The following HERC1 variants were observed in gnomAD, a reference collection of about 807,000 sequenced individuals.
The protein encoded by HERC1 is HECT and RLD domain containing E3 ubiquitin protein ligase family member 1.
Under a neutral mutation model 554.3 loss-of-function variants are expected in HERC1, and 160 were observed. That is an observed-to-expected ratio of 0.29 (90% CI 0.25 to 0.33). The LOEUF (loss-of-function observed/expected upper bound fraction) is 0.33. Among genes scored for constraint, HERC1 ranks in the 10% least tolerant of loss-of-function variants. The pLI, the probability that HERC1 is intolerant of heterozygous loss-of-function variation, is 1.00. For synonymous variants in HERC1, 2,175 were observed against 2,131.7 expected (o/e 1.02, Z -0.56); for missense variants, 4,919 against 5,918.5 (o/e 0.83, Z 5.54).
At chr15:63,667,589 A>G (rs2070707489) in intron 40 of HERC1, among the ~76,000 whole-genome samples, 1 of 152,258 alleles carries the variant, frequency 6.6e-6, no homozygotes, top group Non-Finnish European at 1.5e-5. Context: ...GCTTATGTGT[A>G]AAAGTGAAAT....
chr15:63,762,058 A>T (rs904946200), intron 3 of HERC1, among the ~76,000 whole-genome samples: 1 of 152,234 alleles, frequency 6.6e-6, no homozygotes, highest in Non-Finnish European at 1.5e-5. Flanking sequence ...ATCATTTTCC[A>T]ATAAAAGAAA....
chr15:63,812,069 C>T (rs2099922), intron 1 of HERC1, among the ~76,000 whole-genome samples: 67,764 of 152,006 alleles, frequency 0.45, 16,428 homozygotes, highest in Non-Finnish European at 0.55. Flanking sequence ...TTGTAACTCT[C>T]GCTCAAAAAT....
At chr15:63,802,289 CT>C (rs1567142427) in intron 1 of HERC1, among the ~76,000 whole-genome samples, 2 of 152,160 alleles carry the variant, frequency 1.3e-5, no homozygotes, top group South Asian at 2.1e-4. Context: ...AAAGAAAAAA[CT>C]TTTTCGTTGT....
rs1279114441 is a variant in HERC1 at position 63,636,125 on chromosome 15, G to T, written c.12250C>A (p.Leu4084Met). The T allele has an allele frequency of 5.0e-6, 8 of 1,613,742 alleles. No homozygotes were observed. The highest frequency in any genetic ancestry group is 2.2e-5 in the East Asian group (1 of 44,896). ...CCATCAGAACCACAGGAAGTCACCA[G>T]CTGGGTCACCACAAAGCCTGGAACA... ...SALQGFVVTQ[L>M]VTSCGSDGHS... Residue 4084 changes from leucine to methionine, a missense_variant, in exon 65 of 78, where the codon CTG (leucine) becomes ATG (methionine). Leu to Met is a conservative substitution (Grantham distance 15, BLOSUM62 2). This residue lies in a region of HERC1 where 122 missense variants were observed against 195.2 expected (regional missense o/e 0.63). Transcript: ENST00000443617.
chr15:63,630,484 C>A lies in HERC1; in HGVS notation c.12948G>T (p.Gly4316=). The change falls in exon 69 of 78, where the codon GGG becomes GGT. Residue 4316 remains glycine, a synonymous_variant. Coordinates refer to ENST00000443617, the MANE Select transcript of HERC1 (RefSeq NM_003922.4). The part of the protein sequence containing the change: ...LASNGDVYAW[G]SNSEGQLGLG... ...TATTTACCTGCCCTTCTGAATTGCT[C>A]CCCCAGGCATACACATCTCCATTTG... The A allele has an allele frequency of 5.6e-6, 9 of 1,612,802 alleles. No homozygotes were observed. The highest frequency in any genetic ancestry group is 7.6e-6 in the Non-Finnish European group (9 of 1,179,446).
At chr15:63,744,152 GTGTGTGTGTGTGTCTCTCTCTCTC>G (rs1457916086) in intron 12 of HERC1, among the ~76,000 whole-genome samples, 6 of 41,604 alleles carry the variant, frequency 1.4e-4, no homozygotes, top group Admixed American at 7.6e-4. Context: ...GTGTGTGTGT[GTGTGTGTGTGTGTCTCTCTCTCTC>G]TCTCTCTCTC....
At chr15:63,790,513 G>T in intron 1 of HERC1, among the ~76,000 whole-genome samples, 1 of 152,010 alleles carries the variant, frequency 6.6e-6, no homozygotes, top group East Asian at 1.9e-4. Flanking sequence ...GGGAGGCGGA[G>T]CTTGCAGTGA....
rs2070008285 is a variant in HERC1, at chr15:63,655,937, T to C, written c.9889A>G (p.Thr3297Ala). The stretch of plus-strand genomic sequence containing the variant: ...TCAACTGTGGTTAGATTTACACCTG[T>C]TGCAGCAGAAATCAAGTTCTGAAGA... ...LCTQNLISAA[T>A]GVNLTTVDDS... The change falls in exon 50 of 78, where the codon ACA becomes GCA. Residue 3297 changes from threonine (T) to alanine (A), a missense_variant. This residue lies in a region of HERC1 where 1,963 missense variants were observed against 2,228.6 expected (regional missense o/e 0.88). Coordinates refer to ENST00000443617, the MANE Select transcript of HERC1 (RefSeq NM_003922.4). The C allele has an allele frequency of 6.2e-7, 1 of 1,612,440 alleles. No homozygotes were observed. The highest frequency in any genetic ancestry group is 8.5e-7 in the Non-Finnish European group (1 of 1,179,142).
chr15:63,640,650 T>A (rs193102888), intron 60 of HERC1, among the ~76,000 whole-genome samples: 1 of 152,336 alleles, frequency 6.6e-6, no homozygotes, highest in East Asian at 1.9e-4. Context: ...TATCCAATGT[T>A]AACATCTTAT....
intron 1 of HERC1, among the ~76,000 whole-genome samples, chr15:63,786,606 T>C (rs775342936): frequency 1.3e-5 from 2 of 152,226 alleles, no homozygotes; most frequent in Non-Finnish European, 2.9e-5. Context: ...ATGCTATAAT[T>C]TGAGCCTTGT....
chr15:63,743,493 G>C (rs920468151), intron 12 of HERC1, among the ~76,000 whole-genome samples: 1 of 151,920 alleles, frequency 6.6e-6, no homozygotes, highest in Non-Finnish European at 1.5e-5. Flanking sequence ...TCTATCTCTT[G>C]ACCTTGTGAT....
intron 8 of HERC1, among the ~76,000 whole-genome samples, chr15:63,751,126 T>C (rs1455332225): frequency 1.3e-5 from 2 of 152,226 alleles, no homozygotes; most frequent in African/African-American, 2.4e-5. Flanking sequence ...TGAGGTATCA[T>C]ATACACTCAT....
At chr15:63,669,361 C>T (rs569862014) in intron 40 of HERC1, among the ~76,000 whole-genome samples, 177 bp downstream of exon 40, 22 of 152,334 alleles carry the variant, frequency 1.4e-4, no homozygotes, top group Admixed American at 1.4e-3. Context: ...CCGAAATGGC[C>T]ATAATTCAAT....
At chr15:63,829,545 G>A (rs1421052174) in intron 1 of HERC1, among the ~76,000 whole-genome samples, 1 of 66,654 alleles carries the variant, frequency 1.5e-5, no homozygotes, top group Non-Finnish European at 3.0e-5. Context: ...ATATATGTAT[G>A]TGTGTGTGTG....
intron 51 of HERC1, among the ~76,000 whole-genome samples, chr15:63,652,899 C>G (rs2069776796): frequency 6.6e-6 from 1 of 152,180 alleles, no homozygotes; most frequent in Non-Finnish European, 1.5e-5. Context: ...ATCCGCCCAC[C>G]TCAGCCTCTC....
Position 63,612,686 on chromosome 15 carries a change from C to G in HERC1, c.14095-130G>C, listed in dbSNP as rs2067653038. On this transcript the variant is annotated intron_variant, in intron 76 of 77. Coordinates refer to ENST00000443617, the MANE Select transcript of HERC1 (RefSeq NM_003922.4). This position sits in a 1 kb window ranked among gnomAD's most constrained non-coding sequence, Gnocchi z 5.0. ...CAGACCCTCTACTTGTTTCTCAGAC[C>G]GCCAGGCACGAGAGTCAGTCAAAAA... is the stretch of plus-strand genomic sequence containing the variant. The G allele has an allele frequency of 2.4e-6, 2 of 820,818 alleles. No individual in the cohort carries two copies. The allele number at this position is 820,818 out of a possible 1,614,324, so 50.8% of individuals were successfully genotyped here.
intron 1 of HERC1, among the ~76,000 whole-genome samples, chr15:63,795,089 T>G (rs1451054182): frequency 1.0e-5 from 1 of 97,172 alleles, no homozygotes; most frequent in East Asian, 2.1e-4. Context: ...AAAAAAAAAG[T>G]AAAGGAATAA....
chr15:63,699,120 A>G, intron 25 of HERC1, 124 bp from the exon 26 acceptor site: 1 of 806,450 alleles, frequency 1.2e-6, no homozygotes, highest in Non-Finnish European at 2.0e-6. Context: ...ATGTTTGAAT[A>G]CGCGCATGCA....
chr15:63,612,111 C>G lies in HERC1; in HGVS notation c.14400+140G>C. 1 of 720,192 alleles carries G rather than the reference C, an allele frequency of 1.4e-6. No individual in the cohort carries two copies. The highest frequency in any genetic ancestry group is 2.2e-6 in the Non-Finnish European group (1 of 446,148). The allele number at this position is 720,192 out of a possible 1,614,324, so 44.6% of individuals were successfully genotyped here. A position where few individuals can be genotyped will look rare whatever the true frequency, so the allele number is the denominator to read the frequency against. ...GCTGAGGCAGGAGAACTGCTTGAAG[C>G]TAGGAAGCGGAGGTTGCAGTAAGCT... On this transcript the variant is annotated intron_variant, in intron 77 of 77. Coordinates refer to ENST00000443617, the MANE Select transcript of HERC1 (RefSeq NM_003922.4). The surrounding 1 kb of genome is among the most constrained non-coding windows in gnomAD (Gnocchi z 5.0).
Sources: allele counts gnomAD v4.1 joint callset (sites outside exome capture counted in the v4.1 genomes callset), GRCh38; gene constraint gnomAD v4.1.1; regional missense constraint gnomAD v4.1.1; non-coding constraint Gnocchi (gnomAD v3.1); transcripts MANE v1.5; gene names NCBI Gene and HGNC (gene_info 2026-07-23, HGNC 2026-07-21).